SIL1: variants seen among roughly 807,000 people sequenced by gnomAD.
The protein encoded by SIL1 is nucleotide exchange factor SIL1.
SIL1 carries 40 observed loss-of-function variants against 49.1 expected under a neutral mutation model. That is an observed-to-expected ratio of 0.81 (90% CI 0.63 to 1.06). The LOEUF is 1.06. SIL1 is among the 50% of genes least tolerant of loss of function. The pLI is 0.00. For missense variants in SIL1, 500 were observed against 572.6 expected (o/e 0.87, Z 1.29); for synonymous variants, 253 against 250.8 (o/e 1.01, Z -0.08).
At chr5:139,013,103 G>A (rs1013105146) in intron 7 of SIL1, among the ~76,000 whole-genome samples, 6 of 151,818 alleles carry the variant, frequency 4.0e-5, no homozygotes, top group Non-Finnish European at 7.4e-5. Context: ...CCTGCTCTAC[G>A]GTTTTCCACA....
At chr5:139,056,039 C>T (rs7445495) in intron 3 of SIL1, among the ~76,000 whole-genome samples, 3 of 151,206 alleles carry the variant, frequency 2.0e-5, no homozygotes, top group Non-Finnish European at 3.0e-5. Flanking sequence ...ACCTCCCAGC[C>T]GCCTGCCTTG....
chr5:139,175,253 C>G (rs147853101), intron 1 of SIL1, among the ~76,000 whole-genome samples: 1 of 151,926 alleles, frequency 6.6e-6, no homozygotes, highest in Admixed American at 6.6e-5. Context: ...AGCCGGGAGG[C>G]GGAGGTTGCA....
At chr5:139,171,128 C>T (rs1420489534) in intron 1 of SIL1, among the ~76,000 whole-genome samples, 7 of 151,818 alleles carry the variant, frequency 4.6e-5, no homozygotes, top group African/African-American at 9.7e-5. Context: ...AGGTGAGGGG[C>T]GCCTCTGCCC....
chr5:139,116,627 T>G (rs1770995349), intron 3 of SIL1, among the ~76,000 whole-genome samples: 1 of 152,208 alleles, frequency 6.6e-6, no homozygotes, highest in South Asian at 2.1e-4. Flanking sequence ...AGATATATAT[T>G]TTTAAAAAGA....
intron 1 of SIL1, among the ~76,000 whole-genome samples, chr5:139,144,527 T>C (rs1751154633): frequency 6.6e-6 from 1 of 152,184 alleles, no homozygotes; most frequent in Non-Finnish European, 1.5e-5. Flanking sequence ...CAACTGATTT[T>C]TACAAAAGTG....
intron 7 of SIL1, among the ~76,000 whole-genome samples, chr5:138,984,919 C>T (rs1767620682): frequency 6.6e-6 from 1 of 152,210 alleles, no homozygotes; most frequent in African/African-American, 2.4e-5. Context: ...CTATTCTTCA[C>T]AAAGGGGACA....
Position 139,115,122 on chromosome 5 carries a change from A to T in SIL1, c.244+5913T>A, listed in dbSNP as rs577026893. On this transcript the variant is annotated intron_variant, in intron 3 of 9. Coordinates refer to ENST00000394817, the MANE Select transcript of SIL1 (RefSeq NM_022464.5). ...GGGAATGAGAAGACCCGTAAGGAAG[A>T]TCCTTCCAGGATCAGGGAGGGAGGG... 4.6e-5 allele frequency among the ~76,000 whole-genome samples: 7 copies of T among 152,054 alleles called. No homozygotes were observed. The South Asian group carries it at 1.3e-3, about 27-fold the overall frequency.
intron 7 of SIL1, among the ~76,000 whole-genome samples, chr5:139,020,307 T>G (rs1330253753): frequency 6.6e-6 from 1 of 152,226 alleles, no homozygotes; most frequent in Non-Finnish European, 1.5e-5. Flanking sequence ...AGACTGAGAT[T>G]CTGATTTAAA....
intron 2 of SIL1, among the ~76,000 whole-genome samples, chr5:139,125,234 C>T (rs576863876): frequency 6.6e-6 from 1 of 152,342 alleles, no homozygotes; most frequent in South Asian, 2.1e-4. Flanking sequence ...GCTGGCTTCT[C>T]AGGGCTGCCT....
intron 1 of SIL1, among the ~76,000 whole-genome samples, chr5:139,141,878 A>C (rs1043932398): frequency 2.0e-5 from 3 of 152,034 alleles, no homozygotes; most frequent in African/African-American, 7.3e-5. Context: ...CACAGAACCT[A>C]CTCCCTTATC....
chr5:138,968,534 C>T (rs997855841), intron 7 of SIL1, among the ~76,000 whole-genome samples: 3 of 152,170 alleles, frequency 2.0e-5, no homozygotes, highest in African/African-American at 7.2e-5. Context: ...CCTTCAGACA[C>T]GATCTCCTCA....
At chr5:139,084,038 A>G (rs1770153199) in intron 3 of SIL1, among the ~76,000 whole-genome samples, 1 of 138,872 alleles carries the variant, frequency 7.2e-6, no homozygotes, top group East Asian at 2.2e-4. Flanking sequence ...CCATTGATCT[A>G]TATCTCTGTT....
At chr5:138,967,162 T>C (rs577128666) in intron 7 of SIL1, among the ~76,000 whole-genome samples, 2 of 152,308 alleles carry the variant, frequency 1.3e-5, no homozygotes, top group Admixed American at 1.3e-4. Flanking sequence ...CCCTGCACAC[T>C]CTGGCTCAAG....
At chr5:139,075,278 G>A (rs989724786) in intron 3 of SIL1, among the ~76,000 whole-genome samples, 1 of 152,174 alleles carries the variant, frequency 6.6e-6, no homozygotes, top group Non-Finnish European at 1.5e-5. Context: ...GTTCTGCCTG[G>A]AGGCAGATGG....
At chr5:139,036,056 A>G (rs1768903033) in intron 5 of SIL1, 1 of 152,110 alleles carries the variant, frequency 6.6e-6, no homozygotes, top group South Asian at 2.1e-4. Flanking sequence ...CAGATGCTGG[A>G]TATCAGACCT....
At chr5:139,134,205 C>T (rs1309864927) in intron 1 of SIL1, among the ~76,000 whole-genome samples, 1 of 152,228 alleles carries the variant, frequency 6.6e-6, no homozygotes, top group Non-Finnish European at 1.5e-5. Context: ...GCAACCTCTG[C>T]TTCCCAAGCT....
intron 7 of SIL1, among the ~76,000 whole-genome samples, chr5:138,977,520 G>C (rs1261588605): frequency 6.6e-6 from 1 of 151,866 alleles, no homozygotes; most frequent in Non-Finnish European, 1.5e-5. Flanking sequence ...CTGTCACCCA[G>C]GCTGGAGCAC....
chr5:138,962,824 G>A (rs1561806726), intron 7 of SIL1, among the ~76,000 whole-genome samples: 2 of 152,204 alleles, frequency 1.3e-5, no homozygotes, highest in Non-Finnish European at 2.9e-5. Flanking sequence ...AAGCTAGAGG[G>A]AGAGATTGGG....
chr5:139,014,091 T>C (rs1011251933), intron 7 of SIL1: 1 of 152,098 alleles, frequency 6.6e-6, no homozygotes, highest in Non-Finnish European at 1.5e-5. Context: ...AACAGAGAAG[T>C]AGATGTATTA....
Sources: gnomAD v4.1 joint callset for allele counts (sites outside exome capture counted in the v4.1 genomes callset) on GRCh38, gnomAD v4.1.1 for gene constraint, MANE v1.5 for transcripts, NCBI Gene and HGNC (gene_info 2026-07-23, HGNC 2026-07-21) for gene names.